The following SYNDIG1L variants were observed in gnomAD, a reference collection of about 807,000 sequenced individuals.
SYNDIG1L encodes synapse differentiation-inducing gene protein 1-like.
Under a neutral mutation model 20.1 loss-of-function variants are expected in SYNDIG1L, and 13 were observed. That is an observed-to-expected ratio of 0.65 (90% CI 0.42 to 1.03). SYNDIG1L has a LOEUF of 1.03. Ranked by LOEUF, SYNDIG1L falls within the 50% of genes least tolerant of loss-of-function variation. The pLI is 0.00. For synonymous variants in SYNDIG1L, 128 were observed against 129.3 expected (o/e 0.99, Z 0.07); for missense variants, 294 against 305.1 (o/e 0.96, Z 0.27).
the SYNDIG1L span, among the ~76,000 whole-genome samples, chr14:74,467,457 G>A: frequency 6.6e-6 from 1 of 152,002 alleles, no homozygotes; most frequent in Non-Finnish European, 1.5e-5. Context: ...AGGGGGCAGG[G>A]GGCTCAGATT....
the SYNDIG1L span, among the ~76,000 whole-genome samples, chr14:74,471,122 G>A: frequency 2.0e-5 from 3 of 152,196 alleles, no homozygotes; most frequent in East Asian, 3.9e-4. Context: ...AATGTTCTTC[G>A]TACTTTCTGC....
the SYNDIG1L span, among the ~76,000 whole-genome samples, chr14:74,462,217 C>T: frequency 3.3e-5 from 5 of 151,900 alleles, no homozygotes; most frequent in Admixed American, 1.3e-4. Context: ...GGCGCTGTGG[C>T]TCACTCCTGT....
chr14:74,434,054 C>T, the SYNDIG1L span, among the ~76,000 whole-genome samples: 1 of 151,868 alleles, frequency 6.6e-6, no homozygotes, highest in Non-Finnish European at 1.5e-5. Context: ...CAAAATTGCA[C>T]ATATAATATA....
At chr14:74,460,674 C>G in the SYNDIG1L span, among the ~76,000 whole-genome samples, 1 of 152,202 alleles carries the variant, frequency 6.6e-6, no homozygotes, top group African/African-American at 2.4e-5. Flanking sequence ...CTTGCTTCGG[C>G]TCCCAGGCTG....
chr14:74,479,208 T>A, the SYNDIG1L span: 1 of 152,232 alleles, frequency 6.6e-6, no homozygotes, highest in African/African-American at 2.4e-5. Context: ...GTATTCCTGA[T>A]CCATCACTGT....
rs1369944851 is a variant in SYNDIG1L at position 74,406,166 on chromosome 14, C to T, written c.*1369G>A. ...GCCCCCCGCCTACCTGGAGATGTCT[C>T]TAAAATTCTGGATGTGCCCTAGTGG... is the stretch of plus-strand genomic sequence containing the variant. On this transcript the variant is annotated 3_prime_UTR_variant, in exon 4 of 4. Coordinates refer to ENST00000331628, the MANE Select transcript of SYNDIG1L (RefSeq NM_001105579.2). 1.3e-5 allele frequency: 5 copies of T among 398,716 alleles called. No individual in the cohort carries two copies. Among genetic ancestry groups the T allele is most frequent in the Non-Finnish European group, 2.2e-5 (5 of 226,334 alleles). 24.7% of individuals were successfully genotyped at this position (398,716 alleles called of 1,614,324 possible). A position where few individuals can be genotyped will look rare whatever the true frequency, so the allele number is the denominator to read the frequency against.
the SYNDIG1L span, among the ~76,000 whole-genome samples, chr14:74,439,210 T>A: frequency 6.6e-6 from 1 of 152,064 alleles, no homozygotes; most frequent in African/African-American, 2.4e-5. Context: ...CCTCTCTGGC[T>A]TCCTGTAATA....
Position 74,406,341 on chromosome 14 carries a change from C to T in SYNDIG1L, c.*1194G>A, listed in dbSNP as rs2086079303. 2.9e-6 allele frequency: 1 copy of T among 350,572 alleles called. No homozygotes were observed. The highest frequency in any genetic ancestry group is 5.1e-6 in the Non-Finnish European group (1 of 195,860). 21.7% of individuals were successfully genotyped at this position (350,572 alleles called of 1,614,324 possible). Reference sequence around the variant, plus strand: ...GGTGTGACGTTCCTCCTTGAGTTGGCAGAACCCTTAGGAATGGCTGTAGTT... The same window carrying T: ...GGTGTGACGTTCCTCCTTGAGTTGGTAGAACCCTTAGGAATGGCTGTAGTT... On this transcript the variant is annotated 3_prime_UTR_variant, in exon 4 of 4. Coordinates refer to ENST00000331628, the MANE Select transcript of SYNDIG1L (RefSeq NM_001105579.2).
chr14:74,406,918 T>A lies in SYNDIG1L; in HGVS notation c.*617A>T, dbSNP rs2086086223. On this transcript the variant is annotated 3_prime_UTR_variant, in exon 4 of 4. Coordinates refer to ENST00000331628, the MANE Select transcript of SYNDIG1L (RefSeq NM_001105579.2). The stretch of plus-strand genomic sequence containing the variant: ...TACATACCGAGGCTCCTCTTCCCTA[T>A]CTAGAATCTACAGTGCCTCACAAGC... The A allele has an allele frequency of 6.5e-6, 1 of 152,890 alleles. No homozygotes were observed. The highest frequency in any genetic ancestry group is 2.4e-5 in the African/African-American group (1 of 41,428). 9.5% of individuals were successfully genotyped at this position (152,890 alleles called of 1,614,324 possible).
upstream of SYNDIG1L, among the ~76,000 whole-genome samples, chr14:74,427,118 CTTTTTTTTT>C (rs34437070): frequency 8.6e-6 from 1 of 116,808 alleles, no homozygotes; most frequent in African/African-American, 3.5e-5. Flanking sequence ...CCTGCGTTTC[CTTTTTTTTT>C]TTTTTTTTTG....
At chr14:74,458,621 CAA>C in the SYNDIG1L span, among the ~76,000 whole-genome samples, 28 of 79,822 alleles carry the variant, frequency 3.5e-4, no homozygotes, top group African/African-American at 8.8e-4. Flanking sequence ...GACTCCATCT[CAA>C]AAAAAAAAAA....
At chr14:74,445,475 TG>T in the SYNDIG1L span, among the ~76,000 whole-genome samples, 1 of 151,950 alleles carries the variant, frequency 6.6e-6, no homozygotes, top group Non-Finnish European at 1.5e-5. Flanking sequence ...TGTGTGTGTG[TG>T]TGTGTGTGTG....
chr14:74,415,092 T>C (rs2086164352), intron 1 of SYNDIG1L, among the ~76,000 whole-genome samples: 1 of 152,066 alleles, frequency 6.6e-6, no homozygotes, highest in African/African-American at 2.4e-5. Flanking sequence ...TCAGGACCTG[T>C]TAAGGAGGAG....
chr14:74,412,729 C>T (rs1489965472), intron 1 of SYNDIG1L, among the ~76,000 whole-genome samples: 1 of 152,206 alleles, frequency 6.6e-6, no homozygotes, highest in Admixed American at 6.5e-5. Flanking sequence ...GGATTCATCT[C>T]GGGCTTCCCG....
the SYNDIG1L span, among the ~76,000 whole-genome samples, chr14:74,452,491 C>A: frequency 6.6e-6 from 1 of 152,136 alleles, no homozygotes; most frequent in African/African-American, 2.4e-5. Flanking sequence ...TCTCTCTTTG[C>A]TGCCATGTAA....
chr14:74,426,928 A>G (rs1469799623), upstream of SYNDIG1L, among the ~76,000 whole-genome samples: 1 of 151,928 alleles, frequency 6.6e-6, no homozygotes, highest in Non-Finnish European at 1.5e-5. Context: ...CAGGTTCCTC[A>G]TGGACAAAGT....
chr14:74,442,496 A>G, the SYNDIG1L span, among the ~76,000 whole-genome samples: 13 of 152,232 alleles, frequency 8.5e-5, no homozygotes, highest in African/African-American at 3.1e-4. Flanking sequence ...GAAGAGAATA[A>G]AAGAAAACAT....
At chr14:74,424,712 G>T (rs183715450) in intron 1 of SYNDIG1L, among the ~76,000 whole-genome samples, 1 of 152,242 alleles carries the variant, frequency 6.6e-6, no homozygotes, top group East Asian at 1.9e-4. Context: ...GGGGGTAGGG[G>T]TGACAATAAT....
the SYNDIG1L span, among the ~76,000 whole-genome samples, chr14:74,437,623 A>G: frequency 6.6e-6 from 1 of 152,230 alleles, no homozygotes; most frequent in Non-Finnish European, 1.5e-5. Context: ...TCAGAGGAGA[A>G]GAGCCTGGAA....
Sources: allele counts gnomAD v4.1 joint callset (sites outside exome capture counted in the v4.1 genomes callset), GRCh38; gene constraint gnomAD v4.1.1; transcripts MANE v1.5; gene names NCBI Gene and HGNC (gene_info 2026-07-23, HGNC 2026-07-21).